The following GABRG3 variants were observed in gnomAD, a reference collection of about 807,000 sequenced individuals.
GABRG3 encodes the protein gamma-aminobutyric acid receptor subunit gamma-3.
In GABRG3, 25 loss-of-function variants were observed where a neutral mutation model predicts 48.8. That is an observed-to-expected ratio of 0.51 (90% confidence interval 0.37 to 0.72). The LOEUF (loss-of-function observed/expected upper bound fraction) is 0.72. GABRG3 is among the 30% of genes least tolerant of loss of function. The pLI, the probability that GABRG3 is intolerant of heterozygous loss-of-function variation, is 0.00. For missense variants in GABRG3, 394 were observed against 577.9 expected (o/e 0.68, Z 3.26); for synonymous variants, 227 against 217.6 (o/e 1.04, Z -0.38).
At chr15:27,513,784 C>G (rs1890956220) in intron 6 of GABRG3, among the ~76,000 whole-genome samples, 1 of 151,980 alleles carries the variant, frequency 6.6e-6, no homozygotes, top group African/African-American at 2.4e-5. Flanking sequence ...AAAGTTATAA[C>G]AAATCAGGAA....
rs57903886 is a variant in GABRG3, at chr15:27,062,434, T to TAAAAAAAAAAAA, written c.270+35626_270+35637dup. 6.4e-4 allele frequency among the ~76,000 whole-genome samples: 21 copies of TAAAAAAAAAAAA among 32,864 alleles called. 2 individuals are homozygous for TAAAAAAAAAAAA. Among genetic ancestry groups the TAAAAAAAAAAAA allele is most frequent in the South Asian group, 3.3e-3 (3 of 918 alleles). 21.6% of individuals were successfully genotyped at this position (32,864 alleles called of 152,430 possible). A position where few individuals can be genotyped will look rare whatever the true frequency, so the allele number is the denominator to read the frequency against. ...CAACATGGTGAAACTCCATCTCTAC[T>TAAAAAAAAAAAA]AAAAAAAAAAAAAAAAAAAAAAAAT... On this transcript the variant is annotated intron_variant, in intron 3 of 9. Transcript: ENST00000615808.
At chr15:27,415,742 T>A (rs1017541292) in intron 5 of GABRG3, among the ~76,000 whole-genome samples, 5 of 152,184 alleles carry the variant, frequency 3.3e-5, no homozygotes, top group Non-Finnish European at 4.4e-5. Context: ...CTCTGTTTCT[T>A]CTGTGAAAGG....
intron 5 of GABRG3, among the ~76,000 whole-genome samples, chr15:27,402,597 C>T (rs902934832): frequency 6.6e-6 from 1 of 152,288 alleles, no homozygotes; most frequent in Non-Finnish European, 1.5e-5. Context: ...GGATGGGAAG[C>T]TCAGCACTAA....
At chr15:27,386,920 C>G (rs1204552012) in intron 5 of GABRG3, among the ~76,000 whole-genome samples, 1 of 152,198 alleles carries the variant, frequency 6.6e-6, no homozygotes, top group East Asian at 1.9e-4. Context: ...ATGCACTTGT[C>G]TATGTGTGTG....
chr15:27,433,616 T>A (rs1037876517), intron 5 of GABRG3, among the ~76,000 whole-genome samples: 8 of 152,214 alleles, frequency 5.3e-5, no homozygotes, highest in African/African-American at 1.7e-4. Flanking sequence ...ATCTAATTAA[T>A]CAAAATGATC....
intron 1 of GABRG3, among the ~76,000 whole-genome samples, chr15:26,973,962 G>T (rs1166380043): frequency 6.6e-6 from 1 of 152,198 alleles, no homozygotes; most frequent in East Asian, 1.9e-4. Context: ...AGGGAAAAGA[G>T]AATATTTCTA....
At chr15:27,491,960 C>T (rs1270726886) in intron 6 of GABRG3, among the ~76,000 whole-genome samples, 2 of 152,134 alleles carry the variant, frequency 1.3e-5, no homozygotes, top group Non-Finnish European at 2.9e-5. Flanking sequence ...AGTCATATCC[C>T]ATATGACTTG....
At chr15:27,185,974 C>G (rs1888080132) in intron 3 of GABRG3, among the ~76,000 whole-genome samples, 1 of 150,212 alleles carries the variant, frequency 6.7e-6, no homozygotes, top group South Asian at 2.1e-4. Context: ...GCAGTTGCAT[C>G]AAGGTTTTTA....
At chr15:27,217,600 T>A (rs1197995459) in intron 3 of GABRG3, among the ~76,000 whole-genome samples, 1 of 152,214 alleles carries the variant, frequency 6.6e-6, no homozygotes, top group Admixed American at 6.5e-5. Flanking sequence ...TGCTGTGGCC[T>A]CAGAATTTTG....
chr15:27,244,014 T>G (rs951671299), intron 3 of GABRG3, among the ~76,000 whole-genome samples: 1 of 152,184 alleles, frequency 6.6e-6, no homozygotes, highest in Non-Finnish European at 1.5e-5. Flanking sequence ...TCCTGGTCAC[T>G]GTGGAAAGAT....
chr15:27,273,472 G>A (rs1891153570), intron 3 of GABRG3, among the ~76,000 whole-genome samples: 1 of 152,194 alleles, frequency 6.6e-6, no homozygotes, highest in South Asian at 2.1e-4. Context: ...AACATGTTCT[G>A]CATGGTTGAA....
At chr15:27,338,396 G>A (rs1220606671) in intron 5 of GABRG3, among the ~76,000 whole-genome samples, 1 of 152,094 alleles carries the variant, frequency 6.6e-6, no homozygotes, top group Non-Finnish European at 1.5e-5. Context: ...TACTTGCTAT[G>A]AGGAGATGCC....
chr15:27,504,168 T>C lies in GABRG3; in HGVS notation c.713-15804T>C, dbSNP rs192340725. Among the ~76,000 whole-genome samples, 5 of 152,302 alleles carry C rather than the reference T, an allele frequency of 3.3e-5. No homozygotes were observed. The East Asian group carries it at 9.6e-4, about 29-fold the overall frequency. ...GGGTATTTGCACAATTTAAATTTGATGTAATTATTGACACTTTTGGTTTTA... is the reference window on the plus strand; with the variant it reads ...GGGTATTTGCACAATTTAAATTTGACGTAATTATTGACACTTTTGGTTTTA... On this transcript the variant is annotated intron_variant, in intron 6 of 9. Coordinates refer to ENST00000615808, the MANE Select transcript of GABRG3 (RefSeq NM_033223.5).
chr15:27,216,297 C>T (rs1361450724), intron 3 of GABRG3, among the ~76,000 whole-genome samples: 1 of 152,152 alleles, frequency 6.6e-6, no homozygotes, highest in Non-Finnish European at 1.5e-5. Flanking sequence ...GTATATCTAG[C>T]TTTTAAAAAA....
chr15:27,147,353 A>G (rs1898227874), intron 3 of GABRG3, among the ~76,000 whole-genome samples: 1 of 152,098 alleles, frequency 6.6e-6, no homozygotes, highest in Non-Finnish European at 1.5e-5. Context: ...ACATAATGCT[A>G]AAATAGTGGT....
intron 3 of GABRG3, among the ~76,000 whole-genome samples, chr15:27,078,739 T>G (rs1258475680): frequency 6.6e-6 from 1 of 152,200 alleles, no homozygotes; most frequent in African/African-American, 2.4e-5. Context: ...GTCTTTCGCA[T>G]GAGGACCATA....
At chr15:27,477,369 G>C (rs1245605348) in intron 5 of GABRG3, among the ~76,000 whole-genome samples, 1 of 152,126 alleles carries the variant, frequency 6.6e-6, no homozygotes, top group African/African-American at 2.4e-5. Context: ...GTCTAGAAAA[G>C]AAAAACCATG....
intron 7 of GABRG3, among the ~76,000 whole-genome samples, chr15:27,521,386 C>T (rs1891156495): frequency 6.6e-6 from 1 of 152,024 alleles, no homozygotes; most frequent in Non-Finnish European, 1.5e-5. Context: ...GGAGAACCAT[C>T]AGTAAATTAA....
chr15:27,026,684 G>A (rs1432747586), intron 2 of GABRG3, 70 bp from the exon 3 acceptor site: 3 of 1,090,868 alleles, frequency 2.8e-6, no homozygotes, highest in Admixed American at 2.3e-5. Context: ...TGAGACTTTA[G>A]GACTTGAATG....
Sources: allele counts gnomAD v4.1 joint callset (sites outside exome capture counted in the v4.1 genomes callset), GRCh38; gene constraint gnomAD v4.1.1; transcripts MANE v1.5; gene names NCBI Gene and HGNC (gene_info 2026-07-23, HGNC 2026-07-21).